Variants in TSPAN18 observed in about 807,000 individuals in gnomAD.
TSPAN18 encodes the protein tetraspanin 18.
Under a neutral mutation model 27.3 loss-of-function variants are expected in TSPAN18, and 14 were observed. The observed-to-expected ratio is 0.51, with a 90% CI of 0.34 to 0.80. The LOEUF is 0.80. Ranked by LOEUF, TSPAN18 falls within the 30% of genes least tolerant of loss-of-function variation. The pLI, the probability that TSPAN18 is intolerant of heterozygous loss-of-function variation, is 0.01. For missense variants in TSPAN18, 268 were observed against 323.9 expected, an observed-to-expected ratio of 0.83 and a Z score of 1.32; for synonymous variants, 143 against 136.5, an observed-to-expected ratio of 1.05 and a Z score of -0.33.
intron 1 of TSPAN18, among the ~76,000 whole-genome samples, chr11:44,746,737 A>G (rs1855085762): frequency 6.6e-6 from 1 of 152,198 alleles, no homozygotes; most frequent in Non-Finnish European, 1.5e-5. Context: ...AGCCTGGGCA[A>G]CAGAATGAGA....
Position 44,919,892 on chromosome 11 carries a change from G to A in TSPAN18, c.508G>A (p.Glu170Lys). The A allele has an allele frequency of 6.2e-7, 1 of 1,614,250 alleles. No individual in the cohort carries two copies. The highest frequency in any genetic ancestry group is 8.5e-7 in the Non-Finnish European group (1 of 1,180,048). The change falls in exon 8 of 10, where the codon GAA (glutamate) becomes AAA (lysine). Residue 170 changes from glutamate (E) to lysine (K), a missense_variant. Glu to Lys is a moderately conservative substitution (Grantham distance 56, BLOSUM62 1). Transcript: ENST00000520358. ...GTTTCGACTCCTGACCCTGGATAGT[G>A]AAGAGGTGCCGGAGGCCTGCTGCCG... ...SVFRLLTLDS[E>K]EVPEACCRRE...
At chr11:44,818,637 A>G (rs1483337827) in intron 2 of TSPAN18, among the ~76,000 whole-genome samples, 1 of 152,004 alleles carries the variant, frequency 6.6e-6, no homozygotes, top group Non-Finnish European at 1.5e-5. Context: ...CACATCTTCA[A>G]TCCCCCAGGG....
chr11:44,790,460 T>C (rs1005821819), intron 2 of TSPAN18, among the ~76,000 whole-genome samples: 1 of 150,302 alleles, frequency 6.7e-6, no homozygotes, highest in African/African-American at 2.5e-5. Context: ...TGCATGTGTG[T>C]ATGCATGTGT....
chr11:44,879,347 C>A (rs947485587), intron 3 of TSPAN18, among the ~76,000 whole-genome samples: 4 of 152,070 alleles, frequency 2.6e-5, no homozygotes, highest in Non-Finnish European at 5.9e-5. Flanking sequence ...AACGAAATCC[C>A]CTGCCCTCTT....
intron 6 of TSPAN18, among the ~76,000 whole-genome samples, chr11:44,918,990 G>T (rs772397160): frequency 6.7e-6 from 1 of 150,068 alleles, no homozygotes; most frequent in African/African-American, 2.5e-5. Flanking sequence ...CCCTGACCTC[G>T]GCTCCACCGA....
Position 44,929,219 on chromosome 11 carries a change from C to T in TSPAN18, c.*41C>T. ...GCCTGAAGACTCGCCCCACCCACCACTGCCCAGCACCCAGTGTCCTCCCGT... is the reference window on the plus strand; with the variant it reads ...GCCTGAAGACTCGCCCCACCCACCATTGCCCAGCACCCAGTGTCCTCCCGT... On this transcript the variant is annotated 3_prime_UTR_variant, in exon 10 of 10. Transcript: ENST00000520358. The T allele has an allele frequency of 6.2e-7, 1 of 1,612,586 alleles. No homozygotes were observed. Among genetic ancestry groups the T allele is most frequent in the Non-Finnish European group, 8.5e-7 (1 of 1,179,578 alleles).
intron 2 of TSPAN18, among the ~76,000 whole-genome samples, chr11:44,806,757 T>C (rs1193721090): frequency 3.3e-5 from 5 of 152,196 alleles, no homozygotes; most frequent in African/African-American, 1.2e-4. Context: ...GGAACGTTGG[T>C]TGAATAATCT....
At chr11:44,738,053 C>T (rs972942915) in intron 1 of TSPAN18, among the ~76,000 whole-genome samples, 1 of 151,910 alleles carries the variant, frequency 6.6e-6, no homozygotes, top group African/African-American at 2.4e-5. Context: ...CATTTATTTC[C>T]TCCACTTTGG....
intron 3 of TSPAN18, among the ~76,000 whole-genome samples, chr11:44,866,750 AG>A (rs1466938245): frequency 6.6e-6 from 1 of 152,190 alleles, no homozygotes; most frequent in Non-Finnish European, 1.5e-5. Flanking sequence ...CCTCCTCTGC[AG>A]GCTCACACTG....
chr11:44,784,351 G>A (rs918334867), intron 2 of TSPAN18, among the ~76,000 whole-genome samples: 8 of 152,156 alleles, frequency 5.3e-5, no homozygotes, highest in Non-Finnish European at 1.2e-4. Flanking sequence ...CAGGCTCTCA[G>A]CCCTGCTCCC....
chr11:44,857,822 C>T (rs180778736), intron 2 of TSPAN18, among the ~76,000 whole-genome samples: 283 of 152,316 alleles, frequency 1.9e-3, no homozygotes, highest in African/African-American at 6.3e-3. Flanking sequence ...TACAACGACA[C>T]ATATTCACAC....
chr11:44,773,234 T>C (rs1855729455), intron 2 of TSPAN18, among the ~76,000 whole-genome samples: 1 of 151,960 alleles, frequency 6.6e-6, no homozygotes, highest in South Asian at 2.1e-4. Flanking sequence ...CTGACCAACA[T>C]GGAGAAACCC....
At chr11:44,909,497 A>C (rs536642159) in intron 4 of TSPAN18, 21 of 568,978 alleles carry the variant, frequency 3.7e-5, no homozygotes, top group Admixed American at 1.9e-4. Flanking sequence ...TGCGTGTTGC[A>C]CTTAAGGTCA....
rs546810609 is a variant in TSPAN18 at position 44,909,351 on chromosome 11, T to C, written c.64-354T>C. 8.2e-4 allele frequency among the ~76,000 whole-genome samples: 125 copies of C among 152,260 alleles called. 3 individuals are homozygous for C. The highest frequency in any genetic ancestry group is 7.4e-5 in the Non-Finnish European group (5 of 68,004). On this transcript the variant is annotated intron_variant, in intron 4 of 9. Transcript: ENST00000520358. ...TTCAGCAAGTTGTTGGTTCCCTCTG[T>C]ATGGAATCAGAGGGTTGGACTAGAT... is the stretch of plus-strand genomic sequence containing the variant.
chr11:44,802,092 C>G (rs568554620), intron 2 of TSPAN18, among the ~76,000 whole-genome samples: 23 of 152,192 alleles, frequency 1.5e-4, no homozygotes, highest in Non-Finnish European at 2.2e-4. Flanking sequence ...CACTTCCCTG[C>G]TAGGTCTTAG....
chr11:44,804,395 A>T (rs776492224), intron 2 of TSPAN18, among the ~76,000 whole-genome samples: 3 of 152,212 alleles, frequency 2.0e-5, no homozygotes, highest in Non-Finnish European at 4.4e-5. Context: ...CCAGCCAGTA[A>T]GTTTCTTGAG....
chr11:44,768,225 A>G (rs923499234), intron 2 of TSPAN18, among the ~76,000 whole-genome samples: 1 of 152,142 alleles, frequency 6.6e-6, no homozygotes, highest in African/African-American at 2.4e-5. Context: ...GAGTCTTCCT[A>G]TTTTTGAACA....
intron 1 of TSPAN18, among the ~76,000 whole-genome samples, chr11:44,731,396 A>G (rs1854650878): frequency 6.6e-6 from 1 of 152,184 alleles, no homozygotes; most frequent in Admixed American, 6.5e-5. Flanking sequence ...GATTTGTAAA[A>G]TGGAACTAGT....
chr11:44,836,300 C>G lies in TSPAN18; in HGVS notation c.-152-24028C>G, dbSNP rs559303253. 5.3e-5 allele frequency among the ~76,000 whole-genome samples: 8 copies of G among 150,936 alleles called. No individual in the cohort carries two copies. The East Asian group carries it at 1.5e-3, about 29-fold the overall frequency. Reference sequence around the variant, plus strand: ...CTGATATGGAGAAAGTTTTAGTTGTCTGGATAGAAGATTAAACCAGCCACA... The same window carrying G: ...CTGATATGGAGAAAGTTTTAGTTGTGTGGATAGAAGATTAAACCAGCCACA... On this transcript the variant is annotated intron_variant, in intron 2 of 9. Transcript: ENST00000520358.
Sources: allele counts gnomAD v4.1 joint callset (sites outside exome capture counted in the v4.1 genomes callset), GRCh38; gene constraint gnomAD v4.1.1; transcripts MANE v1.5; gene names NCBI Gene and HGNC (gene_info 2026-07-23, HGNC 2026-07-21).